DLG1: variants seen among roughly 807,000 people sequenced by gnomAD.
DLG1 encodes the protein discs large MAGUK scaffold protein 1.
DLG1 carries 42 observed loss-of-function variants against 123.4 expected under a neutral mutation model. The ratio of observed to expected loss-of-function variants is 0.34; its 90% CI spans 0.27 to 0.44. The LOEUF is 0.44. DLG1 is among the 20% of genes least tolerant of loss of function. The pLI is 1.00. For synonymous variants in DLG1, 317 were observed against 356.2 expected, an observed-to-expected ratio of 0.89 and a Z score of 1.24; for missense variants, 942 against 1,082.6, an observed-to-expected ratio of 0.87 and a Z score of 1.82.
intron 4 of DLG1, among the ~76,000 whole-genome samples, chr3:197,250,185 CT>C (rs1291589722): frequency 6.6e-6 from 1 of 152,152 alleles, no homozygotes. Context: ...ACTGTAAGAA[CT>C]GATACATATG....
At chr3:197,297,390 T>C (rs937442502) in intron 1 of DLG1, 155 bp from the exon 2 acceptor site, 2 of 1,438,718 alleles carry the variant, frequency 1.4e-6, no homozygotes, top group African/African-American at 2.9e-5. Flanking sequence ...AGCAGTTGTC[T>C]GTCAACGTGG....
At chr3:197,107,539 T>C (rs1160013898) in intron 13 of DLG1, among the ~76,000 whole-genome samples, 2 of 151,858 alleles carry the variant, frequency 1.3e-5, no homozygotes, top group African/African-American at 2.4e-5. Context: ...AGCAAGACTC[T>C]GTCTCAAGAA....
At chr3:197,162,589 A>G (rs1799242326) in intron 5 of DLG1, among the ~76,000 whole-genome samples, 2 of 152,200 alleles carry the variant, frequency 1.3e-5, no homozygotes, top group South Asian at 4.1e-4. Context: ...CTACCAAATT[A>G]GTCAAATTAA....
rs537026365 is a variant in DLG1 at position 197,277,155 on chromosome 3, G to A, written c.318+5524C>T. 1.8e-3 allele frequency among the ~76,000 whole-genome samples: 269 copies of A among 151,184 alleles called. 2 individuals are homozygous for A. The highest frequency in any genetic ancestry group is 6.1e-3 in the African/African-American group (250 of 41,252). ...GATCTGCCCAGCTTGGCCTCCCAAA[G>A]TGCTGGAATTACAGGCATGAGCCAC... On this transcript the variant is annotated intron_variant, in intron 4 of 24. Transcript: ENST00000667157.
At position 197,136,592 on chromosome 3, in the gene DLG1, C is replaced by G; in HGVS notation, c.970G>C (p.Gly324Arg). The change falls in exon 10 of 25, where the codon GGT becomes CGT. Residue 324 changes from glycine (G) to arginine (R), a missense_variant. By Grantham distance (125) the Gly-to-Arg change is moderately radical. Coordinates refer to ENST00000667157, the MANE Select transcript of DLG1 (RefSeq NM_001366207.1). ...SIYVTKIIEG[G>R]AAHKDGKLQI... ...AGTTTGCCATCCTTATGTGCTGCACCTCCTTCAATTATTTTGGTTACATAG... is the reference window on the plus strand; with the variant it reads ...AGTTTGCCATCCTTATGTGCTGCACGTCCTTCAATTATTTTGGTTACATAG... The G allele has an allele frequency of 6.2e-7, 1 of 1,613,342 alleles. No homozygotes were observed. The highest frequency in any genetic ancestry group is 8.5e-7 in the Non-Finnish European group (1 of 1,179,612).
In DLG1 at chr3:197,212,092, G is replaced by A. The variant is rs1293011815; in HGVS notation, c.319-17503C>T. Among the ~76,000 whole-genome samples, 4 of 146,408 alleles carry A rather than the reference G, an allele frequency of 2.7e-5. 1 individual carries two copies. Among genetic ancestry groups the A allele is most frequent in the Non-Finnish European group, 6.1e-5 (4 of 65,300 alleles). The stretch of plus-strand genomic sequence containing the variant: ...CAGACACTGGGATCTACTTGAGGGT[G>A]GAGAGTGGGAGGAGGGAGAGGAGCA... On this transcript the variant is annotated intron_variant, in intron 4 of 24. Coordinates refer to ENST00000667157, the MANE Select transcript of DLG1 (RefSeq NM_001366207.1).
intron 11 of DLG1, among the ~76,000 whole-genome samples, chr3:197,122,625 A>G (rs143641592): frequency 2.6e-5 from 4 of 152,278 alleles, no homozygotes; most frequent in Admixed American, 1.3e-4. Context: ...TACAAAACAG[A>G]TATTTCCTAT....
At chr3:197,196,005 G>A (rs1577911601) in intron 4 of DLG1, among the ~76,000 whole-genome samples, 1 of 151,958 alleles carries the variant, frequency 6.6e-6, no homozygotes, top group East Asian at 1.9e-4. Context: ...CACAGTAGAG[G>A]CCTTTTTCTG....
At position 197,173,924 on chromosome 3, in the gene DLG1, C is replaced by T. The variant is rs184001646; in HGVS notation, c.483+20501G>A. On this transcript the variant is annotated intron_variant, in intron 5 of 24. Transcript: ENST00000667157. ...TTCAAGACCAGCCTGGCCAACATGG[C>T]GAAACCCAGTCAGTCAGGTATGGTG... Among the ~76,000 whole-genome samples the T allele has an allele frequency of 1.3e-4, 20 of 152,080 alleles. No individual in the cohort carries two copies. In the South Asian group the frequency reaches 2.9e-3, roughly 22 times the overall value.
intron 4 of DLG1, among the ~76,000 whole-genome samples, chr3:197,270,516 G>T (rs1324599425): frequency 6.6e-6 from 1 of 152,110 alleles, no homozygotes; most frequent in Admixed American, 6.6e-5. Context: ...AAGAAAAAGA[G>T]TGTTATAGAA....
chr3:197,077,074 C>T (rs1194725569), intron 17 of DLG1, among the ~76,000 whole-genome samples: 1 of 152,120 alleles, frequency 6.6e-6, no homozygotes, highest in East Asian at 1.9e-4. Flanking sequence ...TGCTCAATTA[C>T]ATTTTATTCA....
intron 10 of DLG1, among the ~76,000 whole-genome samples, chr3:197,131,739 G>A (rs551286711): frequency 8.9e-4 from 133 of 148,734 alleles, no homozygotes; most frequent in Admixed American, 1.9e-3. Context: ...GACTACAGGC[G>A]CCCGCCACTA....
chr3:197,237,439 C>T (rs1391666570), intron 4 of DLG1, among the ~76,000 whole-genome samples: 1 of 152,220 alleles, frequency 6.6e-6, no homozygotes, highest in African/African-American at 2.4e-5. Flanking sequence ...TTTGTTGCCA[C>T]AGGAACAGAA....
intron 5 of DLG1, among the ~76,000 whole-genome samples, chr3:197,170,600 T>C (rs1803700145): frequency 6.6e-6 from 1 of 152,196 alleles, no homozygotes. Context: ...TTTTCTCTTG[T>C]AAATTTCTTG....
intron 4 of DLG1, among the ~76,000 whole-genome samples, chr3:197,196,171 CAAAAAAAAAAA>C (rs71162001): frequency 3.4e-5 from 3 of 88,714 alleles, no homozygotes; most frequent in Non-Finnish European, 6.3e-5. Context: ...AAATGCACAC[CAAAAAAAAAAA>C]AAAAAAAAAA....
intron 17 of DLG1, among the ~76,000 whole-genome samples, chr3:197,078,082 C>T (rs1276635604): frequency 6.7e-6 from 1 of 149,240 alleles, no homozygotes; most frequent in Non-Finnish European, 1.5e-5. Flanking sequence ...TAGGCTGAGG[C>T]AGGAGGATCG....
intron 4 of DLG1, among the ~76,000 whole-genome samples, chr3:197,217,305 T>C (rs549069724): frequency 5.3e-4 from 80 of 152,334 alleles, no homozygotes; most frequent in Admixed American, 3.5e-3. Context: ...ATCATTCTAA[T>C]TGGTGTTGAT....
At chr3:197,181,031 C>G (rs752976378) in intron 5 of DLG1, among the ~76,000 whole-genome samples, 2 of 152,160 alleles carry the variant, frequency 1.3e-5, no homozygotes, top group Non-Finnish European at 2.9e-5. Flanking sequence ...ATGACTTCCT[C>G]CTGAGTTCCA....
chr3:197,120,164 G>A (rs1033904708), intron 11 of DLG1, among the ~76,000 whole-genome samples: 1 of 151,878 alleles, frequency 6.6e-6, no homozygotes, highest in East Asian at 1.9e-4. Context: ...GGGAGGCTGA[G>A]GTGGGAGAAT....
Sources: gnomAD v4.1 joint callset for allele counts (sites outside exome capture counted in the v4.1 genomes callset) on GRCh38, gnomAD v4.1.1 for gene constraint, MANE v1.5 for transcripts, NCBI Gene and HGNC (gene_info 2026-07-23, HGNC 2026-07-21) for gene names.